PLEKHG7: variants seen among roughly 807,000 people sequenced by gnomAD.
The protein encoded by PLEKHG7 is pleckstrin homology and RhoGEF domain containing G7.
PLEKHG7 carries 77 observed loss-of-function variants against 85.2 expected under a neutral mutation model. The ratio of observed to expected loss-of-function variants is 0.90; its 90% CI spans 0.75 to 1.09. The LOEUF is 1.09. Among genes scored for constraint, PLEKHG7 ranks in the 50% least tolerant of loss-of-function variants. PLEKHG7 has a pLI of 0.00. For synonymous variants in PLEKHG7, 301 were observed against 302.4 expected, an observed-to-expected ratio of 1.00 and a Z score of 0.05; for missense variants, 777 against 804.3, an observed-to-expected ratio of 0.97 and a Z score of 0.41.
chr12:92,735,179 C>A (rs568881159), intron 5 of PLEKHG7, among the ~76,000 whole-genome samples: 34 of 152,206 alleles, frequency 2.2e-4, no homozygotes, highest in Non-Finnish European at 4.3e-4. Flanking sequence ...CAACTGGCTG[C>A]TGATTTTTTA....
intron 9 of PLEKHG7, among the ~76,000 whole-genome samples, chr12:92,741,936 T>G (rs539116945): frequency 3.3e-5 from 5 of 152,314 alleles, no homozygotes; most frequent in Admixed American, 3.3e-4. Context: ...TTAACGAAAG[T>G]ACCAATTTCT....
At chr12:92,732,207 A>G (rs1872011134) in intron 4 of PLEKHG7, 26 bp from the exon 5 acceptor site, 1 of 1,217,590 alleles carries the variant, frequency 8.2e-7, no homozygotes, top group African/African-American at 1.6e-5. Context: ...TACTCGTAAT[A>G]ATATATTGTC....
intron 13 of PLEKHG7, 113 bp from the exon 14 acceptor site, chr12:92,761,639 A>AAAGGAAGAAAGAAAGAAAGAAAGG (rs766646399): frequency 4.0e-6 from 2 of 497,948 alleles, no homozygotes; most frequent in South Asian, 3.7e-5. Context: ...AGAAAGAAAG[A>AAAGGAAGAAAGAAAGAAAGAAAGG]AAGAAAGAAA....
At chr12:92,755,712 T>A in intron 11 of PLEKHG7, 113 bp from the exon 12 acceptor site, 1 of 750,264 alleles carries the variant, frequency 1.3e-6, no homozygotes, top group Non-Finnish European at 2.4e-6. Context: ...TTATATATTG[T>A]CTGGCTCCAG....
intron 15 of PLEKHG7, among the ~76,000 whole-genome samples, chr12:92,767,909 T>C (rs965036879): frequency 2.6e-5 from 4 of 152,020 alleles, no homozygotes; most frequent in Non-Finnish European, 5.9e-5. Flanking sequence ...ACACTGACTA[T>C]AGAAAGAATG....
At chr12:92,713,857 C>T (rs889596809) in intron 3 of PLEKHG7, among the ~76,000 whole-genome samples, 10 of 152,130 alleles carry the variant, frequency 6.6e-5, no homozygotes, top group Admixed American at 6.5e-4. Context: ...AACTCTTGGA[C>T]CCTTTTTTAA....
chr12:92,748,197 AG>A (rs1339003451), intron 10 of PLEKHG7, among the ~76,000 whole-genome samples: 9 of 152,048 alleles, frequency 5.9e-5, no homozygotes, highest in African/African-American at 2.2e-4. Context: ...TGTGACATCC[AG>A]GGATATTTTG....
At chr12:92,720,337 T>C (rs1013923794) in intron 3 of PLEKHG7, among the ~76,000 whole-genome samples, 1 of 151,848 alleles carries the variant, frequency 6.6e-6, no homozygotes, top group African/African-American at 2.4e-5. Flanking sequence ...TTTTTTTTCT[T>C]TTTTTTGAGA....
At chr12:92,707,313 G>T in intron 2 of PLEKHG7, 175 bp downstream of exon 2, 3 of 1,429,952 alleles carry the variant, frequency 2.1e-6, no homozygotes, top group African/African-American at 1.4e-5. Context: ...TGAAAGGAGG[G>T]CAGCAATCTG....
rs1036995532 is a variant in PLEKHG7 at position 92,736,409 on chromosome 12, T to C, written c.700-73T>C. The C allele has an allele frequency of 5.5e-5, 51 of 933,766 alleles. No individual in the cohort carries two copies. In the East Asian group the frequency reaches 1.5e-3, roughly 27 times the overall value. The allele number at this position is 933,766 out of a possible 1,614,324, so 57.8% of individuals were successfully genotyped here. A position where few individuals can be genotyped will look rare whatever the true frequency, so the allele number is the denominator to read the frequency against. On this transcript the variant is annotated intron_variant, in intron 5 of 16. Transcript: ENST00000344636. ...TGAATGTTAGGGAATGAACGAAAGA[T>C]GCCAAGGCTACCGAAGTCATGTCAT...
intron 3 of PLEKHG7, among the ~76,000 whole-genome samples, chr12:92,726,834 C>CTAT (rs1237623034): frequency 3.3e-4 from 51 of 152,308 alleles, no homozygotes; most frequent in African/African-American, 1.0e-3. Context: ...TTTTCTAACA[C>CTAT]TATTTCTCAT....
At chr12:92,726,127 G>A (rs1388400837) in intron 3 of PLEKHG7, among the ~76,000 whole-genome samples, 1 of 152,216 alleles carries the variant, frequency 6.6e-6, no homozygotes, top group Non-Finnish European at 1.5e-5. Flanking sequence ...TAAGAGGCAA[G>A]AGACGAAAGT....
chr12:92,769,330 C>T (rs1403184016), intron 16 of PLEKHG7, among the ~76,000 whole-genome samples: 3 of 152,102 alleles, frequency 2.0e-5, no homozygotes, highest in Non-Finnish European at 4.4e-5. Flanking sequence ...GAACAATTTC[C>T]TCACGCTTGC....
intron 3 of PLEKHG7, chr12:92,708,264 C>T (rs887664742): frequency 2.0e-5 from 3 of 152,378 alleles, no homozygotes; most frequent in African/African-American, 2.4e-5. Flanking sequence ...ATCTTCCTGA[C>T]TTGTGGGATT....
intron 9 of PLEKHG7, 29 bp from the exon 10 acceptor site, chr12:92,745,449 A>G: frequency 1.4e-6 from 2 of 1,459,906 alleles, no homozygotes; most frequent in Non-Finnish European, 1.9e-6. Flanking sequence ...ACTTGTGTTC[A>G]TCCTCCTTCT....
At chr12:92,761,331 A>G (rs1036860078) in intron 13 of PLEKHG7, among the ~76,000 whole-genome samples, 3 of 152,158 alleles carry the variant, frequency 2.0e-5, no homozygotes, top group African/African-American at 7.2e-5. Flanking sequence ...GCCACTACAA[A>G]TAACATCTGA....
intron 10 of PLEKHG7, among the ~76,000 whole-genome samples, chr12:92,748,361 C>T (rs1872595722): frequency 6.6e-6 from 1 of 152,062 alleles, no homozygotes; most frequent in South Asian, 2.1e-4. Flanking sequence ...ATTCTTCTGC[C>T]TCAGTCTCCA....
At chr12:92,750,068 C>A (rs1416451792) in intron 10 of PLEKHG7, among the ~76,000 whole-genome samples, 1 of 147,328 alleles carries the variant, frequency 6.8e-6, no homozygotes, top group Non-Finnish European at 1.5e-5. Flanking sequence ...CTCACTCTGT[C>A]ACCCAGGCTG....
intron 15 of PLEKHG7, among the ~76,000 whole-genome samples, chr12:92,765,853 A>G (rs1873180628): frequency 6.6e-6 from 1 of 152,200 alleles, no homozygotes. Flanking sequence ...ATGAATTAAT[A>G]TAACCTCTCT....
Sources: gnomAD v4.1 joint callset for allele counts (sites outside exome capture counted in the v4.1 genomes callset) on GRCh38, gnomAD v4.1.1 for gene constraint, MANE v1.5 for transcripts, NCBI Gene and HGNC (gene_info 2026-07-23, HGNC 2026-07-21) for gene names.